Variants in PINLYP observed in about 807,000 individuals in gnomAD.
PINLYP encodes phospholipase A2 inhibitor and LY6/PLAUR domain containing, also known as phospholipase A2 inhibitor and Ly6/PLAUR domain-containing protein.
In PINLYP, 12 loss-of-function variants were observed where a neutral mutation model predicts 15.8. The ratio of observed to expected loss-of-function variants is 0.76; its 90% CI spans 0.49 to 1.23. PINLYP has a LOEUF of 1.23. PINLYP is among the 50% of genes most tolerant of loss of function. The pLI is 0.00. For missense variants in PINLYP, 278 were observed against 264.2 expected (o/e 1.05, Z -0.36); for synonymous variants, 93 against 97.7 (o/e 0.95, Z 0.28).
intron 3 of PINLYP, 157 bp downstream of exon 3, chr19:43,578,863 G>A: frequency 1.6e-6 from 1 of 614,092 alleles, no homozygotes. Flanking sequence ...ATCATGAGAT[G>A]GAGGGAACAG....
exon 6 of PINLYP, chr19:43,582,072 G>A (rs1972943493): frequency 2.0e-6 from 3 of 1,502,012 alleles, no homozygotes; most frequent in Non-Finnish European, 2.7e-6. Flanking sequence ...AACTCCCCGT[G>A]TGCCTATAAA....
rs758795370 is a variant in PINLYP, at chr19:43,581,578, T to C, written c.356T>C (p.Leu119Pro). 5 of 1,535,940 alleles carry C rather than the reference T, an allele frequency of 3.3e-6. No individual in the cohort carries two copies. In the African/African-American group the frequency reaches 6.9e-5, roughly 21 times the overall value. The change falls in exon 5 of 6, where the codon CTT (leucine) becomes CCT (proline). Residue 119 changes from leucine to proline, a missense_variant. Leu to Pro is a moderately conservative substitution (Grantham distance 98, BLOSUM62 -3). Transcript: ENST00000599207. ...TCATCCTCAGTTCCCTTGACCAATC[T>C]TACTGAGAATGGCCTGATGTGCCCC...
At chr19:43,579,531 G>T (rs993293445) in intron 3 of PINLYP, among the ~76,000 whole-genome samples, 1 of 151,528 alleles carries the variant, frequency 6.6e-6, no homozygotes, top group Admixed American at 6.6e-5. Context: ...ACAGGCATGA[G>T]CTACCGTGCC....
Position 43,581,583 on chromosome 19 carries a change from G to A in PINLYP, c.361G>A (p.Glu121Lys), listed in dbSNP as rs1312649606. 1 of 1,536,134 alleles carries A rather than the reference G, an allele frequency of 6.5e-7. No individual in the cohort carries two copies. Among genetic ancestry groups the A allele is most frequent in the Non-Finnish European group, 8.7e-7 (1 of 1,146,864 alleles). ...CTCAGTTCCCTTGACCAATCTTACT[G>A]AGAATGGCCTGATGTGCCCCGCCTG... Residue 121 changes from glutamate to lysine, a missense_variant, in exon 5 of 6, where the codon GAG (glutamate) becomes AAG (lysine). Transcript: ENST00000599207.
intron 3 of PINLYP, 38 bp downstream of exon 3, chr19:43,578,744 G>A: frequency 1.4e-6 from 2 of 1,472,860 alleles, no homozygotes; most frequent in Non-Finnish European, 1.8e-6. Context: ...GGGGAGGTGG[G>A]GTGTACCTTC....
In PINLYP at chr19:43,577,112, T is replaced by C. The variant is rs1403774376; in HGVS notation, c.-77-3T>C. On this transcript the variant is annotated splice_polypyrimidine_tract_variant and splice_region_variant and intron_variant, in intron 1 of 5. Transcript: ENST00000599207. ...TTCTGACCTCAGCTATTTCTCCCCG[T>C]AGGGTGAATGTGGGTCCAGACCCAC... The C allele has an allele frequency of 5.9e-6, 9 of 1,535,230 alleles. No homozygotes were observed. The highest frequency in any genetic ancestry group is 1.4e-5 in the African/African-American group (1 of 72,964).
rs564106137 is a variant in PINLYP at position 43,581,059 on chromosome 19, T to TA, written c.188-145dup. The TA allele has an allele frequency of 1.4e-4, 133 of 958,654 alleles. 2 individuals carry two copies. Among genetic ancestry groups the TA allele is most frequent in the South Asian group, 4.8e-4 (25 of 51,654 alleles). 59.4% of individuals were successfully genotyped at this position (958,654 alleles called of 1,614,324 possible). ...GCACTCCAGCCTGGGCAACTCCGTC[T>TA]AAAAAAAATAAGAAAAGAAAGAAAA... is the stretch of plus-strand genomic sequence containing the variant. On this transcript the variant is annotated intron_variant, in intron 3 of 5. Transcript: ENST00000599207.
upstream of PINLYP, chr19:43,575,587 C>T (rs1398288068): frequency 1.0e-6 from 1 of 977,002 alleles, no homozygotes; most frequent in African/African-American, 1.7e-5. Context: ...AGGCTCGGGC[C>T]TTTCAAACCC....
At chr19:43,579,714 CA>C (rs975556500) in intron 3 of PINLYP, among the ~76,000 whole-genome samples, 1 of 116,816 alleles carries the variant, frequency 8.6e-6, no homozygotes, top group African/African-American at 3.3e-5. Flanking sequence ...GCCTGGACAA[CA>C]AAAAGAGATC....
intron 3 of PINLYP, 92 bp from the exon 4 acceptor site, chr19:43,581,120 G>T: frequency 2.2e-6 from 3 of 1,336,000 alleles, no homozygotes; most frequent in Non-Finnish European, 3.0e-6. Context: ...TTGTGGGGTT[G>T]GGGAGGCCTA....
intron 3 of PINLYP, among the ~76,000 whole-genome samples, chr19:43,579,498 C>T (rs1409805948): frequency 1.3e-5 from 2 of 151,420 alleles, no homozygotes; most frequent in East Asian, 4.0e-4. Context: ...TCTCCCGCCT[C>T]GACCTCCCAA....
exon 6 of PINLYP, chr19:43,581,881 C>G (rs972893456): frequency 7.2e-6 from 11 of 1,536,612 alleles, no homozygotes; most frequent in African/African-American, 6.8e-5. Context: ...TTTTCAAACC[C>G]AGATTTGCTA....
chr19:43,581,581 C>T, exon 5 of PINLYP: 1 of 1,536,116 alleles, frequency 6.5e-7, no homozygotes, highest in Non-Finnish European at 8.7e-7. Flanking sequence ...ACCAATCTTA[C>T]TGAGAATGGC....
chr19:43,581,699 G>C, exon 5 of PINLYP: 1 of 1,536,266 alleles, frequency 6.5e-7, no homozygotes, highest in Non-Finnish European at 8.7e-7. Flanking sequence ...GACACGTGCA[G>C]GCTGGTGAGT....
upstream of PINLYP, chr19:43,575,638 C>A (rs1972852408): frequency 2.0e-6 from 1 of 500,400 alleles, no homozygotes; most frequent in Admixed American, 3.7e-5. Context: ...CAAGCCCAGT[C>A]GCGCCTCTCC....
exon 2 of PINLYP, chr19:43,577,203 CAGG>C (rs1972876343): frequency 6.5e-7 from 1 of 1,536,110 alleles, no homozygotes; most frequent in South Asian, 1.2e-5. Context: ...TGAGGCTCTC[CAGG>C]AGACCAGAGA....
Position 43,577,272 on chromosome 19 carries a change from A to G in PINLYP, c.70+11A>G. 1 of 1,535,534 alleles carries G rather than the reference A, an allele frequency of 6.5e-7. No individual in the cohort carries two copies. Among genetic ancestry groups the G allele is most frequent in the South Asian group, 1.2e-5 (1 of 84,038 alleles). ...CCCTCCTGGGTCTTGGTAAGTGACA[A>G]GGGACCTGAACTGTCTCTGGGACCT... On this transcript the variant is annotated intron_variant, in intron 2 of 5. Transcript: ENST00000599207.
intron 3 of PINLYP, chr19:43,578,936 G>A: frequency 2.2e-6 from 1 of 456,582 alleles, no homozygotes; most frequent in South Asian, 2.1e-5. Context: ...CTGTCCTAAA[G>A]AGAAGGAAAA....
intron 2 of PINLYP, among the ~76,000 whole-genome samples, chr19:43,577,516 C>G (rs1972881164): frequency 6.6e-6 from 1 of 151,702 alleles, no homozygotes; most frequent in South Asian, 2.1e-4. Flanking sequence ...CCTCCATCCT[C>G]CAGGAAGGAT....
Sources: gnomAD v4.1 joint callset for allele counts (sites outside exome capture counted in the v4.1 genomes callset) on GRCh38, gnomAD v4.1.1 for gene constraint, MANE v1.5 for transcripts, NCBI Gene and HGNC (gene_info 2026-07-23, HGNC 2026-07-21) for gene names.